SYK: variants seen among roughly 807,000 people sequenced by gnomAD.
SYK encodes the protein spleen associated tyrosine kinase, also known as tyrosine-protein kinase SYK.
A neutral mutation model predicts 77.8 loss-of-function variants in SYK; 16 were observed. The observed-to-expected ratio is 0.21, with a 90% confidence interval of 0.14 to 0.31. The LOEUF is 0.31. Among genes scored for constraint, SYK ranks in the 10% least tolerant of loss-of-function variants. SYK has a pLI of 1.00. For missense variants in SYK, 529 were observed against 814.4 expected (o/e 0.65, Z 4.26); for synonymous variants, 312 against 308.7 (o/e 1.01, Z -0.11).
intron 3 of SYK, among the ~76,000 whole-genome samples, chr9:90,857,274 CAT>C (rs757614722): frequency 3.9e-5 from 6 of 152,188 alleles, no homozygotes; most frequent in Admixed American, 6.5e-5. Context: ...TTATTTGACA[CAT>C]GTGGTTTTGC....
At chr9:90,817,845 T>TTGTGTGTGTG (rs746939088) in intron 1 of SYK, among the ~76,000 whole-genome samples, 3,350 of 137,260 alleles carry the variant, frequency 0.024, 66 homozygotes, top group East Asian at 0.083. Context: ...CTCAATAATG[T>TTGTGTGTGTG]TGTGTGTGTG....
At chr9:90,848,881 G>C (rs1205723911) in intron 3 of SYK, among the ~76,000 whole-genome samples, 2 of 152,228 alleles carry the variant, frequency 1.3e-5, no homozygotes, top group African/African-American at 4.8e-5. Flanking sequence ...TCTTTCTGCT[G>C]CGTGGGGAGG....
chr9:90,865,968 A>G (rs372837587), intron 6 of SYK, among the ~76,000 whole-genome samples: 402 of 126,140 alleles, frequency 3.2e-3, no homozygotes, highest in East Asian at 0.013. Context: ...GCGCGATCTC[A>G]GCTCACTGCA....
At chr9:90,851,076 T>C (rs1826801530) in intron 3 of SYK, among the ~76,000 whole-genome samples, 2 of 152,156 alleles carry the variant, frequency 1.3e-5, no homozygotes, top group Admixed American at 1.3e-4. Flanking sequence ...CTTATTGTTT[T>C]TCAAACAAGA....
At chr9:90,877,545 C>A in intron 9 of SYK, 26 bp from the exon 10 acceptor site, 1 of 1,613,084 alleles carries the variant, frequency 6.2e-7, no homozygotes, top group Non-Finnish European at 8.5e-7. Flanking sequence ...TGGAAAGTTT[C>A]TTGTGTGTTA....
At chr9:90,884,153 G>A (rs78890665) in intron 11 of SYK, among the ~76,000 whole-genome samples, 7,622 of 100,796 alleles carry the variant, frequency 0.076, 1,125 homozygotes, top group Middle Eastern at 0.15. Flanking sequence ...ATGTGTGTGT[G>A]TATATATACA....
chr9:90,814,648 C>T (rs1217169064), intron 1 of SYK, among the ~76,000 whole-genome samples: 1 of 152,178 alleles, frequency 6.6e-6, no homozygotes, highest in African/African-American at 2.4e-5. Context: ...TAACACTCGC[C>T]ACTATTTCAT....
At chr9:90,874,892 A>G (rs1021042895) in intron 9 of SYK, 43 bp downstream of exon 9, 4 of 1,602,954 alleles carry the variant, frequency 2.5e-6, no homozygotes, top group Non-Finnish European at 3.4e-6. Context: ...ACATGAGCTC[A>G]GGTTCTAGAC....
chr9:90,849,544 T>G (rs917866267), intron 3 of SYK, among the ~76,000 whole-genome samples: 2 of 152,180 alleles, frequency 1.3e-5, no homozygotes, highest in African/African-American at 2.4e-5. Context: ...GGGGAGGGAA[T>G]GGGGATTCTT....
At chr9:90,863,990 T>A (rs1827370782) in intron 4 of SYK, among the ~76,000 whole-genome samples, 1 of 152,236 alleles carries the variant, frequency 6.6e-6, no homozygotes, top group Non-Finnish European at 1.5e-5. Flanking sequence ...ATATTCCTCA[T>A]TGTATATTTT....
At chr9:90,875,918 T>TA (rs58949868) in intron 9 of SYK, among the ~76,000 whole-genome samples, 9,630 of 150,184 alleles carry the variant, frequency 0.064, 354 homozygotes, top group South Asian at 0.16. Flanking sequence ...GGGATTTTTG[T>TA]AAAAAAAAAA....
chr9:90,877,243 A>C (rs557292321), intron 9 of SYK, among the ~76,000 whole-genome samples: 2 of 151,994 alleles, frequency 1.3e-5, no homozygotes, highest in African/African-American at 4.8e-5. Context: ...GGGTCTCACT[A>C]TGTTGCCCAG....
In SYK at chr9:90,884,217, G is replaced by GTGTATATATA. The variant is rs1564120085; in HGVS notation, c.1582-3532_1582-3531insTGTATATATA. ...CATACACATACGTGTATATATACAC[G>GTGTATATATA]CATATACACATACACATACGTGTAT... is the stretch of plus-strand genomic sequence containing the variant. On this transcript the variant is annotated intron_variant, in intron 11 of 13. Coordinates refer to ENST00000375754, the MANE Select transcript of SYK (RefSeq NM_003177.7). Among the ~76,000 whole-genome samples, 96 of 43,060 alleles carry GTGTATATATA rather than the reference G, an allele frequency of 2.2e-3. 3 individuals carry two copies. Among genetic ancestry groups the GTGTATATATA allele is most frequent in the Non-Finnish European group, 3.1e-3 (76 of 24,728 alleles). The allele number at this position is 43,060 out of a possible 152,430, so 28.2% of individuals were successfully genotyped here.
intron 1 of SYK, among the ~76,000 whole-genome samples, chr9:90,819,263 T>C (rs1251211806): frequency 6.6e-6 from 1 of 152,244 alleles, no homozygotes; most frequent in Non-Finnish European, 1.5e-5. Context: ...TCAGTATTCA[T>C]GGCTTCTGAA....
intron 9 of SYK, among the ~76,000 whole-genome samples, chr9:90,876,414 C>T (rs4744018): frequency 0.18 from 27,094 of 151,918 alleles, 2,790 homozygotes; most frequent in Admixed American, 0.3. Context: ...TATACACACA[C>T]AAACATACAC....
chr9:90,874,539 CTT>C (rs1827855832), intron 8 of SYK, 131 bp from the exon 9 acceptor site: 4 of 1,204,682 alleles, frequency 3.3e-6, no homozygotes, highest in Non-Finnish European at 4.7e-6. Flanking sequence ...CCCTGCCACT[CTT>C]CAGAATTTCT....
At chr9:90,857,419 A>G (rs1564098995) in intron 3 of SYK, among the ~76,000 whole-genome samples, 1 of 152,232 alleles carries the variant, frequency 6.6e-6, no homozygotes, top group Non-Finnish European at 1.5e-5. Flanking sequence ...GATGCGTTAA[A>G]TAATTCCACC....
chr9:90,882,360 A>C (rs1397158221), intron 11 of SYK, among the ~76,000 whole-genome samples: 1 of 152,224 alleles, frequency 6.6e-6, no homozygotes, highest in Non-Finnish European at 1.5e-5. Flanking sequence ...CTCCAGATTG[A>C]TGTCCTGAAT....
chr9:90,864,328 G>A (rs1402819360), intron 4 of SYK, among the ~76,000 whole-genome samples: 1 of 152,132 alleles, frequency 6.6e-6, no homozygotes, highest in Non-Finnish European at 1.5e-5. Context: ...ACACAGATAC[G>A]GTATGAGGCC....
Sources: allele counts gnomAD v4.1 joint callset (sites outside exome capture counted in the v4.1 genomes callset), GRCh38; gene constraint gnomAD v4.1.1; transcripts MANE v1.5; gene names NCBI Gene and HGNC (gene_info 2026-07-23, HGNC 2026-07-21).